Variants in PCDHB2 observed in about 807,000 individuals in gnomAD.
The protein encoded by PCDHB2 is protocadherin beta-2.
For missense variants in PCDHB2, 914 were observed against 1,023.1 expected, an observed-to-expected ratio of 0.89 and a Z score of 1.45; for synonymous variants, 395 against 464.9, an observed-to-expected ratio of 0.85 and a Z score of 1.93.
rs1554271463 is a variant in PCDHB2, at chr5:141,096,296, C to G, written c.1506C>G (p.Leu502=). Residue 502 remains leucine, a synonymous_variant, in exon 1 of 1, where the codon CTC becomes CTG. Transcript: ENST00000194155. ...LLPPQDPHLP[L]ASLVSINADN... is the part of the protein sequence containing the mutation. Reference sequence around the variant, plus strand: ...CGCCCCAGGACCCGCACCTGCCCCTCGCCTCCCTGGTCTCCATCAACGCGG... The same window carrying G: ...CGCCCCAGGACCCGCACCTGCCCCTGGCCTCCCTGGTCTCCATCAACGCGG... 6.2e-7 allele frequency: 1 copy of G among 1,613,376 alleles called. No individual in the cohort carries two copies. Among genetic ancestry groups the G allele is most frequent in the South Asian group, 1.1e-5 (1 of 91,050 alleles).
In PCDHB2 at chr5:141,094,732, T is replaced by TA; in HGVS notation, c.-58dup. 1 of 1,341,554 alleles carries TA rather than the reference T, an allele frequency of 7.5e-7. No individual in the cohort carries two copies. Among genetic ancestry groups the TA allele is most frequent in the African/African-American group, 1.5e-5 (1 of 68,310 alleles). 83.1% of individuals were successfully genotyped at this position (1,341,554 alleles called of 1,614,324 possible). A position where few individuals can be genotyped will look rare whatever the true frequency, so the allele number is the denominator to read the frequency against. Reference sequence around the variant, plus strand: ...CCAGTATCAGCGAGATACGGGGAGATAGAGTTAGCGACAACGTGAGCCAGA... The same window carrying TA: ...CCAGTATCAGCGAGATACGGGGAGATAAGAGTTAGCGACAACGTGAGCCAGA... On this transcript the variant is annotated 5_prime_UTR_variant, in exon 1 of 1. Coordinates refer to ENST00000194155, the MANE Select transcript of PCDHB2 (RefSeq NM_018936.4).
At position 141,095,972 on chromosome 5, in the gene PCDHB2, C is replaced by G; in HGVS notation, c.1182C>G (p.Phe394Leu). The stretch of plus-strand genomic sequence containing the variant: ...CCATCCAAGATGATCTTCCTTTTTT[C>G]TTGAAACCTTCTGTTGAGAACTTTT... ...VCSIQDDLPF[F>L]LKPSVENFYT... Residue 394 changes from phenylalanine (F) to leucine (L), a missense_variant, in exon 1 of 1, where the codon TTC (phenylalanine) becomes TTG (leucine). By Grantham distance (22) the Phe-to-Leu change is conservative. Transcript: ENST00000194155. The G allele has an allele frequency of 5.0e-6, 8 of 1,614,066 alleles. No individual in the cohort carries two copies. The highest frequency in any genetic ancestry group is 6.8e-6 in the Non-Finnish European group (8 of 1,179,994).
At position 141,095,460 on chromosome 5, in the gene PCDHB2, A is replaced by G; in HGVS notation, c.670A>G (p.Arg224Gly). The change falls in exon 1 of 1, where the codon AGG (arginine) becomes GGG (glycine). Residue 224 changes from arginine to glycine, a missense_variant. Transcript: ENST00000194155. Reference sequence around the variant, plus strand: ...AGCGCTAGATGGCGGGAGTCCACCCAGGTCCGGCACGGCCCTGGTACGGAT... The same window carrying G: ...AGCGCTAGATGGCGGGAGTCCACCCGGGTCCGGCACGGCCCTGGTACGGAT... ...LTALDGGSPP[R>G]SGTALVRIEV... is the part of the protein sequence containing the mutation. 1 of 1,614,184 alleles carries G rather than the reference A, an allele frequency of 6.2e-7. No individual in the cohort carries two copies. Among genetic ancestry groups the G allele is most frequent in the Non-Finnish European group, 8.5e-7 (1 of 1,180,036 alleles).
At position 141,097,155 on chromosome 5, in the gene PCDHB2, C is replaced by G. The variant is rs539137868; in HGVS notation, c.2365C>G (p.Pro789Ala). ...QGAERVSEAN[P>A]SFRKSFEFT ...TGCAGAGAGGGTTAGCGAGGCAAAT[C>G]CCAGTTTCAGGAAGAGCTTTGAATT... Residue 789 changes from proline to alanine, a missense_variant, in exon 1 of 1, where the codon CCC (proline) becomes GCC (alanine). Pro to Ala is a conservative substitution (Grantham distance 27). Coordinates refer to ENST00000194155, the MANE Select transcript of PCDHB2 (RefSeq NM_018936.4). 2.5e-6 allele frequency: 4 copies of G among 1,605,676 alleles called. No individual in the cohort carries two copies. Among genetic ancestry groups the G allele is most frequent in the Non-Finnish European group, 3.4e-6 (4 of 1,175,664 alleles).
At position 141,095,812 on chromosome 5, in the gene PCDHB2, A is replaced by T. The variant is rs533088533; in HGVS notation, c.1022A>T (p.Asp341Val). 1.1e-5 allele frequency: 17 copies of T among 1,614,144 alleles called. No individual in the cohort carries two copies. The highest frequency in any genetic ancestry group is 1.6e-4 in the Middle Eastern group (1 of 6,062). Residue 341 changes from aspartate to valine, a missense_variant, in exon 1 of 1, where the codon GAT becomes GTT. By Grantham distance (152) the Asp-to-Val change is radical. Coordinates refer to ENST00000194155, the MANE Select transcript of PCDHB2 (RefSeq NM_018936.4). ...TGTGTGGTATTTGTCCAAGTGATGG[A>T]TTTGAATGACAATCCTCCGGAACTA... The part of the protein sequence containing the change: ...GTCVVFVQVM[D>V]LNDNPPELTM...
Position 141,097,456 on chromosome 5 carries a change from G to A in PCDHB2, c.*269G>A, listed in dbSNP as rs1563831658. The A allele has an allele frequency of 5.8e-6, 2 of 347,700 alleles. No homozygotes were observed. Among genetic ancestry groups the A allele is most frequent in the Non-Finnish European group, 1.0e-5 (2 of 191,714 alleles). 21.5% of individuals were successfully genotyped at this position (347,700 alleles called of 1,614,324 possible). A position where few individuals can be genotyped will look rare whatever the true frequency, so the allele number is the denominator to read the frequency against. On this transcript the variant is annotated 3_prime_UTR_variant, in exon 1 of 1. Transcript: ENST00000194155. ...ATTTTGTATTTTCAGAAATCTTTAAGTTAGAGCATCTTTTCCAGACCTCAC... is the reference window on the plus strand; with the variant it reads ...ATTTTGTATTTTCAGAAATCTTTAAATTAGAGCATCTTTTCCAGACCTCAC...
In PCDHB2 at chr5:141,096,836, G is replaced by C; in HGVS notation, c.2046G>C (p.Gln682His). The C allele has an allele frequency of 1.2e-6, 2 of 1,610,924 alleles. No individual in the cohort carries two copies. The highest frequency in any genetic ancestry group is 2.1e-4 in the Middle Eastern group (1 of 4,708). ...YLLLPEAAPAQAQADLLTVYL... is the reference protein window; with the variant it reads ...YLLLPEAAPAHAQADLLTVYL... ...TGCTCCCGGAGGCGGCACCGGCCCA[G>C]GCCCAGGCCGACTTGCTCACCGTCT... The change falls in exon 1 of 1, where the codon CAG becomes CAC. Residue 682 changes from glutamine to histidine, a missense_variant. By Grantham distance (24) the Gln-to-His change is conservative. Transcript: ENST00000194155.
Position 141,096,331 on chromosome 5 carries a change from A to G in PCDHB2, c.1541A>G (p.His514Arg), listed in dbSNP as rs149478389. The G allele has an allele frequency of 1.2e-4, 187 of 1,613,058 alleles. No individual in the cohort carries two copies. The highest frequency in any genetic ancestry group is 1.5e-4 in the Non-Finnish European group (176 of 1,179,824). ...GTCTCCATCAACGCGGACAACGGCC[A>G]CCTGTTCGCTCTCCAGTCGCTGGAC... ...SLVSINADNGHLFALQSLDYE... is the reference protein window; with the variant it reads ...SLVSINADNGRLFALQSLDYE... Residue 514 changes from histidine (H) to arginine (R), a missense_variant, in exon 1 of 1, where the codon CAC (histidine) becomes CGC (arginine). Physicochemically the swap from His to Arg is conservative, Grantham distance 29. Coordinates refer to ENST00000194155, the MANE Select transcript of PCDHB2 (RefSeq NM_018936.4).
Position 141,094,749 on chromosome 5 carries a change from T to A in PCDHB2, c.-42T>A. On this transcript the variant is annotated 5_prime_UTR_variant, in exon 1 of 1. Coordinates refer to ENST00000194155, the MANE Select transcript of PCDHB2 (RefSeq NM_018936.4). Reference sequence around the variant, plus strand: ...CGGGGAGATAGAGTTAGCGACAACGTGAGCCAGAGCTGGAGCACGTTTGGT... The same window carrying A: ...CGGGGAGATAGAGTTAGCGACAACGAGAGCCAGAGCTGGAGCACGTTTGGT... 1 of 1,459,072 alleles carries A rather than the reference T, an allele frequency of 6.9e-7. No homozygotes were observed. Among genetic ancestry groups the A allele is most frequent in the Non-Finnish European group, 9.3e-7 (1 of 1,079,998 alleles). 90.4% of individuals were successfully genotyped at this position (1,459,072 alleles called of 1,614,324 possible). A position where few individuals can be genotyped will look rare whatever the true frequency, so the allele number is the denominator to read the frequency against.
In PCDHB2 at chr5:141,097,416, A is replaced by G. The variant is rs967800008; in HGVS notation, c.*229A>G. The stretch of plus-strand genomic sequence containing the variant: ...GTTTCATTGCAATTTAATTGCATTT[A>G]AAGTGTAAAAGTAAATTTTGTATTT... On this transcript the variant is annotated 3_prime_UTR_variant, in exon 1 of 1. Transcript: ENST00000194155. 3.6e-5 allele frequency: 17 copies of G among 467,080 alleles called. No individual in the cohort carries two copies. The highest frequency in any genetic ancestry group is 7.3e-5 in the East Asian group (2 of 27,378). 28.9% of individuals were successfully genotyped at this position (467,080 alleles called of 1,614,324 possible).
At position 141,096,272 on chromosome 5, in the gene PCDHB2, G is replaced by C; in HGVS notation, c.1482G>C (p.Pro494=). ...TNAQVTYSLL[P]PQDPHLPLAS... ...CCCAGGTCACCTACTCGCTGCTGCC[G>C]CCCCAGGACCCGCACCTGCCCCTCG... The change falls in exon 1 of 1, where the codon CCG becomes CCC. Residue 494 remains proline (P), a synonymous_variant. Coordinates refer to ENST00000194155, the MANE Select transcript of PCDHB2 (RefSeq NM_018936.4). The C allele has an allele frequency of 3.1e-6, 5 of 1,613,168 alleles. 1 individual carries two copies. Among genetic ancestry groups the C allele is most frequent in the Non-Finnish European group, 4.2e-6 (5 of 1,180,028 alleles).
rs1360638887 is a variant in PCDHB2 at position 141,096,658 on chromosome 5, A to G, written c.1868A>G (p.Asn623Ser). ...GGGCTGTTCGGCGTGTGGGCGCACA[A>G]TGGCGAGGTGCGCACCGCCAGGCTG... ...EPGLFGVWAHNGEVRTARLLR... is the reference protein window; with the variant it reads ...EPGLFGVWAHSGEVRTARLLR... The change falls in exon 1 of 1, where the codon AAT becomes AGT. Residue 623 changes from asparagine (N) to serine (S), a missense_variant. Asn to Ser is a conservative substitution (Grantham distance 46, BLOSUM62 1). Coordinates refer to ENST00000194155, the MANE Select transcript of PCDHB2 (RefSeq NM_018936.4). 6 of 1,609,512 alleles carry G rather than the reference A, an allele frequency of 3.7e-6. No individual in the cohort carries two copies. In the South Asian group the frequency reaches 4.4e-5, roughly 12 times the overall value.
chr5:141,095,643 CAAGCATCTG>C lies in PCDHB2; in HGVS notation c.857_865del (p.Ala286_Glu288del). The stretch of plus-strand genomic sequence containing the variant: ...TGGAGAAATATCTTATGCATTTTCC[CAAGCATCTG>C]AAGACATTCGCAAAACGTTTCGATT... On this transcript the variant is annotated inframe_deletion, in exon 1 of 1. Coordinates refer to ENST00000194155, the MANE Select transcript of PCDHB2 (RefSeq NM_018936.4). 6.2e-7 allele frequency: 1 copy of C among 1,614,174 alleles called. No homozygotes were observed. Among genetic ancestry groups the C allele is most frequent in the Non-Finnish European group, 8.5e-7 (1 of 1,180,040 alleles).
chr5:141,094,672 C>G lies in PCDHB2; in HGVS notation c.-119C>G. ...GAGGAGGCTTTCTAAGGCGGTCGCT[C>G]CGGGAAATCCGGGCCCTAGGATTGT... is the stretch of plus-strand genomic sequence containing the variant. On this transcript the variant is annotated 5_prime_UTR_variant, in exon 1 of 1. Transcript: ENST00000194155. 1 of 783,594 alleles carries G rather than the reference C, an allele frequency of 1.3e-6. No homozygotes were observed. Among genetic ancestry groups the G allele is most frequent in the Non-Finnish European group, 2.0e-6 (1 of 509,008 alleles). The allele number at this position is 783,594 out of a possible 1,614,324, so 48.5% of individuals were successfully genotyped here.
chr5:141,096,141 C>T lies in PCDHB2; in HGVS notation c.1351C>T (p.Pro451Ser), dbSNP rs573906799. 1.2e-6 allele frequency: 2 copies of T among 1,613,580 alleles called. No individual in the cohort carries two copies. Among genetic ancestry groups the T allele is most frequent in the East Asian group, 2.2e-5 (1 of 44,868 alleles). The part of the protein sequence containing the change: ...VLVSDVNDNA[P>S]AFTQTSYTLF... ...GGTCTCCGACGTCAATGACAACGCC[C>T]CCGCCTTCACCCAAACCTCCTACAC... is the stretch of plus-strand genomic sequence containing the variant. Residue 451 changes from proline (P) to serine (S), a missense_variant, in exon 1 of 1, where the codon CCC (proline) becomes TCC (serine). Pro to Ser is a moderately conservative substitution (Grantham distance 74, BLOSUM62 -1). Transcript: ENST00000194155.
Position 141,096,815 on chromosome 5 carries a change from C to G in PCDHB2, c.2025C>G (p.Leu675=). ...VDGFSQPYLL[L]PEAAPAQAQA... The stretch of plus-strand genomic sequence containing the variant: ...GCTTCTCCCAGCCCTACCTGCTGCT[C>G]CCGGAGGCGGCACCGGCCCAGGCCC... The change falls in exon 1 of 1, where the codon CTC becomes CTG. Residue 675 remains leucine, a synonymous_variant. Coordinates refer to ENST00000194155, the MANE Select transcript of PCDHB2 (RefSeq NM_018936.4). 2.5e-6 allele frequency: 4 copies of G among 1,610,468 alleles called. No homozygotes were observed. Among genetic ancestry groups the G allele is most frequent in the Non-Finnish European group, 3.4e-6 (4 of 1,179,738 alleles).
Position 141,096,252 on chromosome 5 carries a change from G to T in PCDHB2, c.1462G>T (p.Val488Phe), listed in dbSNP as rs1487559192. The part of the protein sequence containing the change: ...TDRDSGTNAQ[V>F]TYSLLPPQDP... ...CAGAGACTCGGGCACCAACGCCCAG[G>T]TCACCTACTCGCTGCTGCCGCCCCA... Residue 488 changes from valine (V) to phenylalanine (F), a missense_variant, in exon 1 of 1, where the codon GTC becomes TTC. Transcript: ENST00000194155. 1 of 1,612,968 alleles carries T rather than the reference G, an allele frequency of 6.2e-7. No homozygotes were observed. Among genetic ancestry groups the T allele is most frequent in the Non-Finnish European group, 8.5e-7 (1 of 1,180,036 alleles).
At position 141,095,170 on chromosome 5, in the gene PCDHB2, A is replaced by T. The variant is rs781974533; in HGVS notation, c.380A>T (p.Asp127Val). The change falls in exon 1 of 1, where the codon GAC (aspartate) becomes GTC (valine). Residue 127 changes from aspartate to valine, a missense_variant. Transcript: ENST00000194155. ...TTTCAGGCGGAGCTACGGATTAGGG[A>T]CGTAAATGATCATTCCCCAGTTTTC... The part of the protein sequence containing the change: ...QFFQAELRIR[D>V]VNDHSPVFLD... 93 of 1,611,726 alleles carry T rather than the reference A, an allele frequency of 5.8e-5. No individual in the cohort carries two copies. The highest frequency in any genetic ancestry group is 7.5e-5 in the Non-Finnish European group (88 of 1,179,058).
chr5:141,098,002 A>G lies in PCDHB2; in HGVS notation c.*815A>G, dbSNP rs1554271825. The stretch of plus-strand genomic sequence containing the variant: ...GCGTGAGCCACCGCCCCCCAGTCCA[A>G]TATGTATACTTCTTTCAAGTGTTGA... On this transcript the variant is annotated 3_prime_UTR_variant, in exon 1 of 1. Coordinates refer to ENST00000194155, the MANE Select transcript of PCDHB2 (RefSeq NM_018936.4). 1.3e-5 allele frequency: 2 copies of G among 152,224 alleles called. No homozygotes were observed. 9.4% of individuals were successfully genotyped at this position (152,224 alleles called of 1,614,324 possible). A position where few individuals can be genotyped will look rare whatever the true frequency, so the allele number is the denominator to read the frequency against.
Sources: allele counts gnomAD v4.1 joint callset, GRCh38; gene constraint gnomAD v4.1.1; transcripts MANE v1.5; gene names NCBI Gene and HGNC (gene_info 2026-07-23, HGNC 2026-07-21).